The following CCDC7 variants were observed in gnomAD, a reference collection of about 807,000 sequenced individuals.
CCDC7 encodes coiled-coil domain-containing protein 7.
A neutral mutation model predicts 196.9 loss-of-function variants in CCDC7; 183 were observed. The ratio of observed to expected loss-of-function variants is 0.93; its 90% confidence interval spans 0.82 to 1.05. The LOEUF (loss-of-function observed/expected upper bound fraction) is 1.05. Among genes scored for constraint, CCDC7 ranks in the 50% least tolerant of loss-of-function variants. The probability of loss-of-function intolerance (pLI) is 0.00; values close to 1 mark genes in which losing one functional copy is unlikely to be tolerated. For synonymous variants in CCDC7, 525 were observed against 484.6 expected (o/e 1.08, Z -1.10); for missense variants, 1,540 against 1,482.2 (o/e 1.04, Z -0.64).
intron 5 of CCDC7, among the ~76,000 whole-genome samples, chr10:32,464,832 T>A (rs190135628): frequency 9.2e-5 from 14 of 152,254 alleles, no homozygotes; most frequent in African/African-American, 3.4e-4. Flanking sequence ...AGAACTTTGA[T>A]TAATTATTCT....
At chr10:32,783,580 G>T (rs2081369641) in intron 29 of CCDC7, among the ~76,000 whole-genome samples, 1 of 152,204 alleles carries the variant, frequency 6.6e-6, no homozygotes, top group Non-Finnish European at 1.5e-5. Context: ...TGTCACTGCT[G>T]TGGAAAACAG....
chr10:32,449,963 C>G (rs1386103055), upstream of CCDC7, among the ~76,000 whole-genome samples: 2 of 152,214 alleles, frequency 1.3e-5, no homozygotes, highest in Admixed American at 6.5e-5. Context: ...ACTTTCCAAT[C>G]TCCAGAACTG....
chr10:32,765,486 ACTGG>A (rs1231617944), intron 28 of CCDC7, among the ~76,000 whole-genome samples: 1 of 152,000 alleles, frequency 6.6e-6, no homozygotes, highest in Non-Finnish European at 1.5e-5. Context: ...ATACTCATCA[ACTGG>A]CAGAATTTTC....
At chr10:32,488,653 A>G (rs780934977) in intron 8 of CCDC7, among the ~76,000 whole-genome samples, 5 of 152,140 alleles carry the variant, frequency 3.3e-5, no homozygotes, top group Admixed American at 2.0e-4. Flanking sequence ...GAATTTCTGT[A>G]TGGTTCTTCT....
At chr10:32,702,325 C>T (rs557740474) in intron 24 of CCDC7, among the ~76,000 whole-genome samples, 11 of 151,968 alleles carry the variant, frequency 7.2e-5, no homozygotes, top group Admixed American at 1.3e-4. Flanking sequence ...TGTAGTTGAG[C>T]GGTTTTGAGT....
At chr10:32,612,762 A>G (rs1478100801) in intron 18 of CCDC7, among the ~76,000 whole-genome samples, 3 of 152,108 alleles carry the variant, frequency 2.0e-5, no homozygotes, top group African/African-American at 7.2e-5. Flanking sequence ...CCCGGGGTGA[A>G]GCCGACTTGA....
rs115729798 is a variant in CCDC7, at chr10:32,558,559, T to C, written c.1135-6999T>C. Among the ~76,000 whole-genome samples the C allele has an allele frequency of 8.4e-3, 1,272 of 152,282 alleles. 27 individuals are homozygous for C. Among genetic ancestry groups the C allele is most frequent in the African/African-American group, 0.028 (1,173 of 41,554 alleles). On this transcript the variant is annotated intron_variant, in intron 13 of 41. Transcript: ENST00000639629. ...CTCTGGTGGTTTTTAAATCAGCTAC[T>C]AGGCACCTTGAATGGCTCAGATAGG...
intron 28 of CCDC7, among the ~76,000 whole-genome samples, chr10:32,771,454 C>T (rs2134086749): frequency 1.3e-5 from 2 of 152,236 alleles, no homozygotes; most frequent in East Asian, 1.9e-4. Flanking sequence ...AGATAGTTTC[C>T]CAATCCCTTC....
Position 32,690,783 on chromosome 10 carries a change from A to C in CCDC7, c.2344+1620A>C, listed in dbSNP as rs142913820. On this transcript the variant is annotated intron_variant, in intron 23 of 41. Transcript: ENST00000639629. ...AATGACCTTAAATGCCTCAGTTTCC[A>C]TCAGGGACTGGGATGAATGCAAGTG... 8.6e-3 allele frequency among the ~76,000 whole-genome samples: 1,312 copies of C among 152,318 alleles called. 12 individuals carry two copies. The highest frequency in any genetic ancestry group is 0.02 in the Middle Eastern group (6 of 294).
chr10:32,514,999 T>A (rs974197483), intron 9 of CCDC7, among the ~76,000 whole-genome samples: 23 of 152,040 alleles, frequency 1.5e-4, no homozygotes, highest in African/African-American at 5.1e-4. Context: ...AATTAAAAAA[T>A]TTTTTTTGTA....
At chr10:32,700,820 G>A (rs1049317506) in intron 24 of CCDC7, among the ~76,000 whole-genome samples, 1 of 152,166 alleles carries the variant, frequency 6.6e-6, no homozygotes, top group African/African-American at 2.4e-5. Flanking sequence ...TGAAGCAAAT[G>A]TGAATGGGAA....
chr10:32,647,707 C>G (rs1564955921), intron 20 of CCDC7, among the ~76,000 whole-genome samples: 1 of 151,924 alleles, frequency 6.6e-6, no homozygotes, highest in South Asian at 2.1e-4. Context: ...GTTTAATTTC[C>G]CTATAGGTTC....
At chr10:32,661,698 G>C (rs1283709833) in intron 20 of CCDC7, among the ~76,000 whole-genome samples, 1 of 152,132 alleles carries the variant, frequency 6.6e-6, no homozygotes, top group Non-Finnish European at 1.5e-5. Flanking sequence ...TGGAACGGAG[G>C]CCTCAAAATT....
chr10:32,871,900 C>T (rs549538264), intron 41 of CCDC7, among the ~76,000 whole-genome samples: 5 of 151,946 alleles, frequency 3.3e-5, no homozygotes, highest in Non-Finnish European at 7.4e-5. Context: ...TTTCCATGTC[C>T]TTGAGCGGTT....
chr10:32,484,503 T>G (rs2040609409), intron 8 of CCDC7, among the ~76,000 whole-genome samples: 1 of 152,124 alleles, frequency 6.6e-6, no homozygotes, highest in Non-Finnish European at 1.5e-5. Flanking sequence ...TCTCTTGCCT[T>G]ATTGCCGTGG....
Position 32,478,786 on chromosome 10 carries a change from C to T in CCDC7, c.796+4763C>T, listed in dbSNP as rs184423590. On this transcript the variant is annotated intron_variant, in intron 8 of 41. Transcript: ENST00000639629. ...TTTCTTTTCTTGTAATGTCTTTGTC[C>T]GGCTTTGGTATTGGAGTGATACTGG... 1.6e-3 allele frequency among the ~76,000 whole-genome samples: 248 copies of T among 151,932 alleles called. 1 individual carries two copies. Among genetic ancestry groups the T allele is most frequent in the Non-Finnish European group, 2.9e-3 (194 of 67,904 alleles).
At chr10:32,562,305 G>A (rs2055853597) in intron 13 of CCDC7, among the ~76,000 whole-genome samples, 1 of 152,136 alleles carries the variant, frequency 6.6e-6, no homozygotes, top group African/African-American at 2.4e-5. Context: ...ATTTTATGAG[G>A]CCAGCATCAT....
At chr10:32,855,088 G>T (rs1593480988) in intron 41 of CCDC7, among the ~76,000 whole-genome samples, 1 of 152,188 alleles carries the variant, frequency 6.6e-6, no homozygotes, top group African/African-American at 2.4e-5. Flanking sequence ...TCATGCATTG[G>T]AAATATTAAG....
chr10:32,652,310 G>A (rs1293452014), intron 20 of CCDC7, among the ~76,000 whole-genome samples: 2 of 151,864 alleles, frequency 1.3e-5, no homozygotes, highest in African/African-American at 4.8e-5. Flanking sequence ...TGTCTTTATA[G>A]GTGAAGTAGG....
Sources: gnomAD v4.1 joint callset for allele counts (sites outside exome capture counted in the v4.1 genomes callset) on GRCh38, gnomAD v4.1.1 for gene constraint, MANE v1.5 for transcripts, NCBI Gene and HGNC (gene_info 2026-07-23, HGNC 2026-07-21) for gene names.